Variants in MMP20 observed in about 807,000 individuals in gnomAD.
MMP20 encodes the protein matrix metallopeptidase 20.
A neutral mutation model predicts 51.8 loss-of-function variants in MMP20; 50 were observed. The ratio of observed to expected loss-of-function variants is 0.97; its 90% CI spans 0.77 to 1.22. The LOEUF is 1.22. MMP20 is among the 50% of genes most tolerant of loss of function. The pLI is 0.00. For missense variants in MMP20, 663 were observed against 601.4 expected (o/e 1.10, Z -1.07); for synonymous variants, 244 against 216.2 (o/e 1.13, Z -1.13).
At chr11:102,602,323 A>G (rs1859458631) in intron 6 of MMP20, among the ~76,000 whole-genome samples, 1 of 128,220 alleles carries the variant, frequency 7.8e-6, no homozygotes, top group African/African-American at 2.7e-5. Flanking sequence ...TTAAAATGTG[A>G]CAATTAGTGA....
chr11:102,589,693 C>G (rs1711401), intron 8 of MMP20, among the ~76,000 whole-genome samples: 77,247 of 151,916 alleles, frequency 0.51, 20,233 homozygotes, highest in South Asian at 0.67. Flanking sequence ...TCTTAACCAG[C>G]AAACTCTACA....
rs540153316 is a variant in MMP20 at position 102,596,535 on chromosome 11, G to C, written c.954-1778C>G. On this transcript the variant is annotated intron_variant, in intron 6 of 9. Coordinates refer to ENST00000260228, the MANE Select transcript of MMP20 (RefSeq NM_004771.4). ...TGGATAGATACTGTTAGTTTGAAAAGGTATTATTTGCTTAGGCCTTAATTA... is the reference window on the plus strand; with the variant it reads ...TGGATAGATACTGTTAGTTTGAAAACGTATTATTTGCTTAGGCCTTAATTA... 6.4e-4 allele frequency among the ~76,000 whole-genome samples: 98 copies of C among 152,300 alleles called. 1 individual carries two copies. The highest frequency in any genetic ancestry group is 4.4e-3 in the South Asian group (21 of 4,826).
At chr11:102,611,730 A>G (rs776808909) in intron 3 of MMP20, 25 bp downstream of exon 3, 3 of 1,611,714 alleles carry the variant, frequency 1.9e-6, no homozygotes, top group Non-Finnish European at 2.5e-6. Flanking sequence ...TTGAATTAGT[A>G]GATGGAATCC....
intron 8 of MMP20, among the ~76,000 whole-genome samples, chr11:102,592,445 G>T (rs1271742526): frequency 6.6e-6 from 1 of 152,090 alleles, no homozygotes; most frequent in East Asian, 1.9e-4. Flanking sequence ...ATATTTATGT[G>T]CCTCACTTAT....
At chr11:102,611,639 C>T in intron 3 of MMP20, 116 bp downstream of exon 3, 1 of 1,319,956 alleles carries the variant, frequency 7.6e-7, no homozygotes, top group Non-Finnish European at 1.1e-6. Context: ...GGCCTTGGCC[C>T]ATCACAGCAC....
intron 1 of MMP20, among the ~76,000 whole-genome samples, chr11:102,617,388 A>G (rs1410183762): frequency 6.6e-6 from 1 of 152,230 alleles, no homozygotes; most frequent in Middle Eastern, 3.2e-3. Flanking sequence ...TCAGGGAAGG[A>G]AGCTGATGTG....
Position 102,625,248 on chromosome 11 carries a change from G to T in MMP20, c.72C>A (p.Pro24=). The change falls in exon 1 of 10, where the codon CCC becomes CCA. Residue 24 remains proline, a synonymous_variant. Transcript: ENST00000260228. Reference sequence around the variant, plus strand: ...TCCTGGGGGAGGCTGCAACTAGGGAGGGGGCTGCAGTGGAAAACTTCAAAG... The same window carrying T: ...TCCTGGGGGAGGCTGCAACTAGGGATGGGGCTGCAGTGGAAAACTTCAAAG... ...IMALKFSTAA[P]SLVAASPRTW... The T allele has an allele frequency of 6.2e-7, 1 of 1,613,864 alleles. No homozygotes were observed. Among genetic ancestry groups the T allele is most frequent in the Non-Finnish European group, 8.5e-7 (1 of 1,179,888 alleles).
At position 102,606,918 on chromosome 11, in the gene MMP20, A is replaced by C. The variant is rs1335396184; in HGVS notation, c.812-242T>G. Reference sequence around the variant, plus strand: ...CACTTGTTAAAAGGGAGGGATAATAATAGTACTCACCTCAGAAGGCTGTTG... The same window carrying C: ...CACTTGTTAAAAGGGAGGGATAATACTAGTACTCACCTCAGAAGGCTGTTG... On this transcript the variant is annotated intron_variant, in intron 5 of 9. Transcript: ENST00000260228. 3 of 511,158 alleles carry C rather than the reference A, an allele frequency of 5.9e-6. No homozygotes were observed. The East Asian group carries it at 1.1e-4, about 19-fold the overall frequency. 31.7% of individuals were successfully genotyped at this position (511,158 alleles called of 1,614,324 possible). A position where few individuals can be genotyped will look rare whatever the true frequency, so the allele number is the denominator to read the frequency against.
At chr11:102,621,125 C>G (rs1402861259) in intron 1 of MMP20, among the ~76,000 whole-genome samples, 1 of 152,214 alleles carries the variant, frequency 6.6e-6, no homozygotes, top group Non-Finnish European at 1.5e-5. Flanking sequence ...CTTTGGCTCT[C>G]TCTCTATTTC....
chr11:102,587,332 T>C (rs1019577372), intron 8 of MMP20, among the ~76,000 whole-genome samples: 7 of 152,230 alleles, frequency 4.6e-5, no homozygotes, highest in Non-Finnish European at 8.8e-5. Flanking sequence ...CGACTTAAGT[T>C]GTTTTAAATT....
At chr11:102,620,253 A>G (rs908412206) in intron 1 of MMP20, among the ~76,000 whole-genome samples, 5 of 152,334 alleles carry the variant, frequency 3.3e-5, no homozygotes, top group Non-Finnish European at 7.4e-5. Flanking sequence ...TTGAAGAATT[A>G]TCAGATATCC....
At chr11:102,620,273 G>A (rs1859733044) in intron 1 of MMP20, among the ~76,000 whole-genome samples, 1 of 152,160 alleles carries the variant, frequency 6.6e-6, no homozygotes, top group African/African-American at 2.4e-5. Context: ...CTGAAGTACT[G>A]AGAGCTCAGA....
At chr11:102,593,649 T>C in intron 7 of MMP20, 54 bp from the exon 8 acceptor site, 5 of 1,582,100 alleles carry the variant, frequency 3.2e-6, no homozygotes, top group Non-Finnish European at 4.3e-6. Context: ...GTGATGCACT[T>C]CTCTCATAAA....
intron 1 of MMP20, among the ~76,000 whole-genome samples, chr11:102,619,722 G>A (rs1169619331): frequency 6.6e-6 from 1 of 151,736 alleles, no homozygotes; most frequent in African/African-American, 2.4e-5. Flanking sequence ...ACTAACAGTG[G>A]TTAAACCTTA....
At chr11:102,604,378 G>C in intron 6 of MMP20, among the ~76,000 whole-genome samples, 2 of 152,172 alleles carry the variant, frequency 1.3e-5, no homozygotes, top group East Asian at 3.8e-4. Context: ...TCAATGGTCA[G>C]TGTCTTAAAA....
intron 7 of MMP20, among the ~76,000 whole-genome samples, chr11:102,593,917 G>T (rs971448381): frequency 1.3e-5 from 2 of 152,138 alleles, no homozygotes; most frequent in African/African-American, 4.8e-5. Context: ...GAGAGAATGG[G>T]CAAGTGACAT....
intron 8 of MMP20, among the ~76,000 whole-genome samples, chr11:102,580,745 A>G (rs1412057504): frequency 6.6e-6 from 1 of 152,236 alleles, no homozygotes; most frequent in African/African-American, 2.4e-5. Flanking sequence ...TTTAACCATC[A>G]AAAGAACTAC....
At chr11:102,609,816 G>GGCTT in intron 4 of MMP20, 89 bp downstream of exon 4, 1 of 1,579,298 alleles carries the variant, frequency 6.3e-7, no homozygotes, top group Admixed American at 1.7e-5. Context: ...GTTAAAGGGT[G>GGCTT]GCTTGGGACG....
chr11:102,579,539 T>A (rs571465904), intron 8 of MMP20, among the ~76,000 whole-genome samples: 1 of 152,164 alleles, frequency 6.6e-6, no homozygotes, highest in East Asian at 1.9e-4. Context: ...CTCAAACTCC[T>A]GGTCTCAAGC....
Sources: allele counts gnomAD v4.1 joint callset (sites outside exome capture counted in the v4.1 genomes callset), GRCh38; gene constraint gnomAD v4.1.1; transcripts MANE v1.5; gene names NCBI Gene and HGNC (gene_info 2026-07-23, HGNC 2026-07-21).